The following PDCD2L variants were observed in gnomAD, a reference collection of about 807,000 sequenced individuals.
The protein encoded by PDCD2L is programmed cell death 2 like.
PDCD2L carries 44 observed loss-of-function variants against 40.4 expected under a neutral mutation model. The observed-to-expected ratio is 1.09, with a 90% confidence interval of 0.86 to 1.40. The LOEUF (loss-of-function observed/expected upper bound fraction) is 1.40. Among genes scored for constraint, PDCD2L ranks in the 40% most tolerant of loss-of-function variants. PDCD2L has a pLI of 0.00. For synonymous variants in PDCD2L, 194 were observed against 174.6 expected (o/e 1.11, Z -0.88); for missense variants, 470 against 453.7 (o/e 1.04, Z -0.33).
chr19:34,406,786 C>T (rs561269932), intron 3 of PDCD2L, among the ~76,000 whole-genome samples: 16 of 150,788 alleles, frequency 1.1e-4, no homozygotes, highest in Admixed American at 2.0e-4. Flanking sequence ...ATTCTTTGAC[C>T]GTCATCTCCT....
intron 3 of PDCD2L, among the ~76,000 whole-genome samples, chr19:34,407,494 A>G (rs1245131742): frequency 6.6e-6 from 1 of 152,170 alleles, no homozygotes; most frequent in East Asian, 1.9e-4. Flanking sequence ...GTTGTTTTAG[A>G]TTCCACATAT....
intron 5 of PDCD2L, among the ~76,000 whole-genome samples, chr19:34,414,965 A>T (rs2075120895): frequency 6.6e-6 from 1 of 151,886 alleles, no homozygotes; most frequent in East Asian, 2.0e-4. Flanking sequence ...GCTAATTTTT[A>T]AAAAATGTAT....
At chr19:34,411,330 C>G (rs1048657681) in intron 4 of PDCD2L, among the ~76,000 whole-genome samples, 3 of 150,632 alleles carry the variant, frequency 2.0e-5, no homozygotes, top group African/African-American at 7.3e-5. Flanking sequence ...ACCTCTCCCT[C>G]GCCGGCTTAA....
At chr19:34,419,728 C>T (rs1222841424) in intron 5 of PDCD2L, among the ~76,000 whole-genome samples, 1 of 101,102 alleles carries the variant, frequency 9.9e-6, no homozygotes, top group East Asian at 3.1e-4. Context: ...TTTTAGTTTA[C>T]TATTTTGTTC....
intron 6 of PDCD2L, among the ~76,000 whole-genome samples, chr19:34,422,955 T>C (rs1410797310): frequency 6.6e-6 from 1 of 151,632 alleles, no homozygotes; most frequent in East Asian, 1.9e-4. Context: ...CCTGACCTTG[T>C]GATCCGCCCA....
At chr19:34,406,133 C>T (rs1392083707) in intron 3 of PDCD2L, among the ~76,000 whole-genome samples, 2 of 152,172 alleles carry the variant, frequency 1.3e-5, no homozygotes, top group Non-Finnish European at 2.9e-5. Flanking sequence ...CAAAGCCAGA[C>T]CCTGTCCCCT....
rs542027596 is a variant in PDCD2L, at chr19:34,409,207, A to G, written c.383A>G (p.Asp128Gly). The change falls in exon 4 of 7, where the codon GAT (aspartate) becomes GGT (glycine). Residue 128 changes from aspartate to glycine, a missense_variant. Transcript: ENST00000246535. ...GCTGAGGACTGGTGTGAAGGTGCTG[A>G]TGACTGGGGAAGTGATACTGAGGAG... is the stretch of plus-strand genomic sequence containing the variant. ...LAAEDWCEGA[D>G]DWGSDTEEGP... 1.4e-5 allele frequency: 22 copies of G among 1,614,134 alleles called. No homozygotes were observed. In the African/African-American group the frequency reaches 2.5e-4, roughly 19 times the overall value.
intron 5 of PDCD2L, among the ~76,000 whole-genome samples, chr19:34,415,220 A>T (rs763422903): frequency 2.0e-5 from 3 of 151,976 alleles, no homozygotes; most frequent in Non-Finnish European, 4.4e-5. Flanking sequence ...TCCCAAGTTT[A>T]AGAGTCTCCT....
Position 34,404,993 on chromosome 19 carries a change from A to G in PDCD2L, c.336+3A>G, listed in dbSNP as rs1443875745. 6.2e-7 allele frequency: 1 copy of G among 1,614,060 alleles called. No individual in the cohort carries two copies. Among genetic ancestry groups the G allele is most frequent in the Admixed American group, 1.7e-5 (1 of 60,016 alleles). ...AGAGAGAGGCGCAGGACGCTCAGGT[A>G]AAGGTTGTGATTGGCATGTTATTGT... On this transcript the variant is annotated splice_donor_region_variant and intron_variant, in intron 3 of 6. Transcript: ENST00000246535.
At position 34,409,478 on chromosome 19, in the gene PDCD2L, A is replaced by ATCT; in HGVS notation, c.654_655insTCT (p.Glu218_Gly219insSer). On this transcript the variant is annotated inframe_insertion, in exon 4 of 7. Coordinates refer to ENST00000246535, the MANE Select transcript of PDCD2L (RefSeq NM_032346.2). The stretch of plus-strand genomic sequence containing the variant: ...TTCTGAGGGACTATCAGCAGAGAGA[A>ATCT]GGCATTGCCATGGATCAGTTGCTTT... The ATCT allele has an allele frequency of 6.2e-7, 1 of 1,614,118 alleles. No individual in the cohort carries two copies. The highest frequency in any genetic ancestry group is 8.5e-7 in the Non-Finnish European group (1 of 1,180,026).
chr19:34,425,951 C>G (rs201291328), intron 6 of PDCD2L, 39 bp from the exon 7 acceptor site: 1 of 1,595,442 alleles, frequency 6.3e-7, no homozygotes, highest in African/African-American at 1.4e-5. Context: ...AGTCTCATAA[C>G]TCTTTTTGCT....
chr19:34,410,250 C>T (rs1021155946), intron 4 of PDCD2L, among the ~76,000 whole-genome samples: 24 of 152,164 alleles, frequency 1.6e-4, no homozygotes, highest in African/African-American at 5.8e-4. Flanking sequence ...TGCACACCAC[C>T]ATGTCTGACC....
At chr19:34,419,654 G>A (rs2075140505) in intron 5 of PDCD2L, among the ~76,000 whole-genome samples, 1 of 151,320 alleles carries the variant, frequency 6.6e-6, no homozygotes, top group Non-Finnish European at 1.5e-5. Context: ...CCATTTGGTG[G>A]GGTTTTTTTG....
At chr19:34,408,956 C>A in intron 3 of PDCD2L, 1 of 582,968 alleles carries the variant, frequency 1.7e-6, no homozygotes, top group Non-Finnish European at 3.1e-6. Context: ...ACACTCACCC[C>A]AAAAAGGAAA....
At chr19:34,424,346 G>A (rs2075166149) in intron 6 of PDCD2L, among the ~76,000 whole-genome samples, 2 of 152,066 alleles carry the variant, frequency 1.3e-5, no homozygotes, top group South Asian at 4.2e-4. Context: ...CTCAGTTCTT[G>A]CCTCCTCCGA....
In PDCD2L at chr19:34,409,431, A is replaced by C; in HGVS notation, c.607A>C (p.Asn203His). 1 of 1,614,198 alleles carries C rather than the reference A, an allele frequency of 6.2e-7. No individual in the cohort carries two copies. The highest frequency in any genetic ancestry group is 1.1e-5 in the South Asian group (1 of 91,080). ...TGAGGATGATTACAGGGACTTTGTC[A>C]ACCTGGATCATGCCCACAGCCTTCT... ...ADEDDYRDFV[N>H]LDHAHSLLRD... Residue 203 changes from asparagine (N) to histidine (H), a missense_variant, in exon 4 of 7, where the codon AAC becomes CAC. By Grantham distance (68) the Asn-to-His change is moderately conservative. Transcript: ENST00000246535.
chr19:34,411,593 T>A (rs2075103754), intron 4 of PDCD2L, among the ~76,000 whole-genome samples: 1 of 152,056 alleles, frequency 6.6e-6, no homozygotes, highest in South Asian at 2.1e-4. Context: ...GGGGATCCTC[T>A]GGCCTCAGCT....
rs143274693 is a variant in PDCD2L at position 34,404,749 on chromosome 19, C to T, written c.209C>T (p.Pro70Leu). 5.6e-5 allele frequency: 91 copies of T among 1,611,780 alleles called. No individual in the cohort carries two copies. The highest frequency in any genetic ancestry group is 7.2e-5 in the Non-Finnish European group (85 of 1,179,704). Residue 70 changes from proline (P) to leucine (L), a missense_variant, in exon 2 of 7, where the codon CCG (proline) becomes CTG (leucine). Transcript: ENST00000246535. ...VQVYCPLEGSPFHRLLHVFAC... is the reference protein window; with the variant it reads ...VQVYCPLEGSLFHRLLHVFAC... The stretch of plus-strand genomic sequence containing the variant: ...GTGTATTGCCCGCTGGAAGGCTCCC[C>T]GTTTCACCGTCTGCTGCACGTGTTC...
At chr19:34,423,005 G>A (rs1342716908) in intron 6 of PDCD2L, among the ~76,000 whole-genome samples, 1 of 151,890 alleles carries the variant, frequency 6.6e-6, no homozygotes, top group African/African-American at 2.4e-5. Context: ...GGCGTGAGCT[G>A]CCACGCCTGG....
Sources: gnomAD v4.1 joint callset for allele counts (sites outside exome capture counted in the v4.1 genomes callset) on GRCh38, gnomAD v4.1.1 for gene constraint, MANE v1.5 for transcripts, NCBI Gene and HGNC (gene_info 2026-07-23, HGNC 2026-07-21) for gene names.